BLTP3B: variants seen among roughly 807,000 people sequenced by gnomAD.
BLTP3B encodes the protein UHRF1 (ICBP90) binding protein 1-like.
the BLTP3B span, among the ~76,000 whole-genome samples, chr12:100,120,238 G>A: frequency 5.9e-5 from 9 of 151,918 alleles, no homozygotes; most frequent in African/African-American, 7.2e-5. Flanking sequence ...TTAGCTGAGC[G>A]TGAGACAGGC....
chr12:100,085,593 C>T, the BLTP3B span, among the ~76,000 whole-genome samples: 42,985 of 151,764 alleles, frequency 0.28, 8,903 homozygotes, highest in African/African-American at 0.59. Context: ...GGTTAAAAAA[C>T]GTGTAAACAA....
the BLTP3B span, chr12:100,037,614 T>G: frequency 1.2e-6 from 2 of 1,606,860 alleles, no homozygotes; most frequent in South Asian, 2.2e-5. Context: ...AGCTATAATT[T>G]CAGTTTTGAC....
At chr12:100,046,602 G>A in the BLTP3B span, among the ~76,000 whole-genome samples, 2 of 151,988 alleles carry the variant, frequency 1.3e-5, no homozygotes, top group South Asian at 4.2e-4. Context: ...GGGAGGGATA[G>A]GGTTAGGAGA....
the BLTP3B span, among the ~76,000 whole-genome samples, chr12:100,053,823 G>A: frequency 1.8e-4 from 27 of 152,200 alleles, no homozygotes; most frequent in Non-Finnish European, 2.9e-4. Flanking sequence ...GTAAAAAATT[G>A]AAGATATCAC....
At chr12:100,114,287 T>C in the BLTP3B span, among the ~76,000 whole-genome samples, 2 of 152,180 alleles carry the variant, frequency 1.3e-5, no homozygotes, top group African/African-American at 4.8e-5. Flanking sequence ...TATTCGATCA[T>C]ATTCTTTCCT....
chr12:100,114,422 A>G, the BLTP3B span, among the ~76,000 whole-genome samples: 4 of 152,140 alleles, frequency 2.6e-5, no homozygotes, highest in Non-Finnish European at 4.4e-5. Context: ...ATTCTCCACC[A>G]TTTTCCATTC....
chr12:100,043,536 T>C, the BLTP3B span, among the ~76,000 whole-genome samples: 3 of 152,232 alleles, frequency 2.0e-5, no homozygotes, highest in Non-Finnish European at 4.4e-5. Flanking sequence ...TGTTTCAGAA[T>C]TGTTGAATGT....
the BLTP3B span, among the ~76,000 whole-genome samples, chr12:100,052,790 G>GTTT: frequency 0.015 from 1,689 of 114,282 alleles, 49 homozygotes; most frequent in African/African-American, 0.033. Flanking sequence ...TTTCTTTTCT[G>GTTT]TTTTTTTTTT....
the BLTP3B span, among the ~76,000 whole-genome samples, chr12:100,135,190 A>G: frequency 6.6e-6 from 1 of 152,080 alleles, no homozygotes; most frequent in African/African-American, 2.4e-5. Flanking sequence ...CAAAATATCA[A>G]ACAAGTTCCC....
At chr12:100,040,512 C>G in the BLTP3B span, among the ~76,000 whole-genome samples, 1 of 152,178 alleles carries the variant, frequency 6.6e-6, no homozygotes, top group Non-Finnish European at 1.5e-5. Context: ...GAAACCCCAT[C>G]TCTACTAAAG....
At chr12:100,092,228 C>T in the BLTP3B span, among the ~76,000 whole-genome samples, 5 of 152,234 alleles carry the variant, frequency 3.3e-5, no homozygotes, top group South Asian at 1.0e-3. Flanking sequence ...AGCAAAGAAA[C>T]ACTGTTAACT....
chr12:100,127,486 A>G, the BLTP3B span, among the ~76,000 whole-genome samples: 6 of 152,238 alleles, frequency 3.9e-5, no homozygotes, highest in African/African-American at 1.4e-4. Context: ...TTAATTAACA[A>G]TTTATTACAA....
chr12:100,072,567 C>CAAT, the BLTP3B span: 3 of 991,288 alleles, frequency 3.0e-6, no homozygotes, highest in East Asian at 6.1e-5. Flanking sequence ...AAATAAGGAA[C>CAAT]AATACAGTTT....
chr12:100,069,870 T>C, the BLTP3B span: 1 of 842,548 alleles, frequency 1.2e-6, no homozygotes, highest in African/African-American at 1.8e-5. Context: ...TAAAAAATTT[T>C]TTTAAATAAA....
At chr12:100,076,279 G>GT in the BLTP3B span, among the ~76,000 whole-genome samples, 26 of 145,448 alleles carry the variant, frequency 1.8e-4, no homozygotes, top group Admixed American at 4.8e-4. Context: ...ACCCAGAGAT[G>GT]TTTTTTTTTC....
At chr12:100,070,966 C>T in the BLTP3B span, among the ~76,000 whole-genome samples, 6 of 152,034 alleles carry the variant, frequency 3.9e-5, no homozygotes, top group African/African-American at 1.4e-4. Context: ...GCATGCCAGT[C>T]TGGGCAACAG....
the BLTP3B span, chr12:100,039,765 T>C: frequency 1.9e-6 from 3 of 1,613,276 alleles, no homozygotes; most frequent in Non-Finnish European, 2.5e-6. Flanking sequence ...TTTCAAATCA[T>C]TTCCAGTGTT....
the BLTP3B span, among the ~76,000 whole-genome samples, chr12:100,074,481 C>A: frequency 6.6e-6 from 1 of 151,984 alleles, no homozygotes; most frequent in African/African-American, 2.4e-5. Context: ...CGCCTGTAAT[C>A]CCAGTTACTT....
At chr12:100,083,036 C>G in the BLTP3B span, 2 of 1,613,008 alleles carry the variant, frequency 1.2e-6, no homozygotes, top group Non-Finnish European at 1.7e-6. Flanking sequence ...TTGAAATCTG[C>G]AAGTCTAACC....
Sources: allele counts gnomAD v4.1 joint callset (sites outside exome capture counted in the v4.1 genomes callset), GRCh38; gene constraint gnomAD v4.1.1; transcripts MANE v1.5; gene names NCBI Gene and HGNC (gene_info 2026-07-23, HGNC 2026-07-21).